The following KCNIP1 variants were observed in gnomAD, a reference collection of about 807,000 sequenced individuals.
The protein encoded by KCNIP1 is potassium voltage-gated channel interacting protein 1.
In KCNIP1, 18 loss-of-function variants were observed where a neutral mutation model predicts 33.0. That is an observed-to-expected ratio of 0.55 (90% CI 0.38 to 0.81). The LOEUF (loss-of-function observed/expected upper bound fraction) is 0.81, where lower values mean the gene tolerates loss of function less well. KCNIP1 is among the 30% of genes least tolerant of loss of function. The pLI, the probability that KCNIP1 is intolerant of heterozygous loss-of-function variation, is 0.00. For missense variants in KCNIP1, 238 were observed against 271.6 expected, an observed-to-expected ratio of 0.88 and a Z score of 0.87; for synonymous variants, 93 against 98.3, an observed-to-expected ratio of 0.95 and a Z score of 0.32.
chr5:170,640,482 G>A (rs1760497803), intron 1 of KCNIP1, among the ~76,000 whole-genome samples: 1 of 152,188 alleles, frequency 6.6e-6, no homozygotes, highest in Admixed American at 6.5e-5. Flanking sequence ...CCAGATGATG[G>A]TGGTCCCAAA....
chr5:170,667,079 C>G (rs1020731174), intron 1 of KCNIP1, among the ~76,000 whole-genome samples: 1 of 152,090 alleles, frequency 6.6e-6, no homozygotes, highest in South Asian at 2.1e-4. Flanking sequence ...TTTGAGAGGC[C>G]GAGGTGGGCG....
intron 1 of KCNIP1, among the ~76,000 whole-genome samples, chr5:170,537,278 T>G (rs1005175688): frequency 3.3e-5 from 5 of 152,220 alleles, no homozygotes; most frequent in African/African-American, 1.2e-4. Flanking sequence ...ACAAGTCACC[T>G]TACCCATCTA....
intron 1 of KCNIP1, among the ~76,000 whole-genome samples, chr5:170,686,953 A>G (rs1289762899): frequency 6.7e-6 from 1 of 149,926 alleles, no homozygotes; most frequent in African/African-American, 2.5e-5. Context: ...CCCCCTCTCC[A>G]GCCCCAAACC....
chr5:170,582,762 AAGT>A (rs1757844060), intron 1 of KCNIP1, among the ~76,000 whole-genome samples: 1 of 152,156 alleles, frequency 6.6e-6, no homozygotes, highest in African/African-American at 2.4e-5. Context: ...GAGTTTCCCA[AAGT>A]ACACACCCAC....
intron 1 of KCNIP1, among the ~76,000 whole-genome samples, chr5:170,408,479 G>A (rs548737319): frequency 3.9e-5 from 6 of 152,260 alleles, no homozygotes; most frequent in East Asian, 1.9e-4. Context: ...TTCCAAGAGC[G>A]TGAGCAGAAT....
In KCNIP1 at chr5:170,475,241, C is replaced by T. The variant is rs10074783; in HGVS notation, c.88+121277C>T. On this transcript the variant is annotated intron_variant, in intron 1 of 7. Coordinates refer to the KCNIP1 transcript ENST00000377360. ...GACCCAGAAGTCCAGCTGGCTTCAC[C>T]TCTCAGTGTGACCAACCTCCAAGCT... 2.4e-3 allele frequency among the ~76,000 whole-genome samples: 364 copies of T among 152,360 alleles called. 4 individuals carry two copies. Among genetic ancestry groups the T allele is most frequent in the African/African-American group, 7.3e-3 (305 of 41,588 alleles).
At chr5:170,487,516 C>T (rs141413386) in intron 1 of KCNIP1, among the ~76,000 whole-genome samples, 39 of 148,056 alleles carry the variant, frequency 2.6e-4, no homozygotes, top group Admixed American at 2.3e-3. Flanking sequence ...GATATAGTCA[C>T]GGAACTTTTT....
At chr5:170,708,773 C>T (rs998133106) in intron 1 of KCNIP1, among the ~76,000 whole-genome samples, 1 of 152,132 alleles carries the variant, frequency 6.6e-6, no homozygotes, top group Non-Finnish European at 1.5e-5. Flanking sequence ...GTGACACATG[C>T]CTATAGTTCC....
intron 1 of KCNIP1, among the ~76,000 whole-genome samples, chr5:170,478,476 G>A (rs1756904844): frequency 7.0e-6 from 1 of 143,660 alleles, no homozygotes; most frequent in East Asian, 2.1e-4. Flanking sequence ...AGATCCCTCG[G>A]GCTGCCATCC....
intron 1 of KCNIP1, among the ~76,000 whole-genome samples, chr5:170,450,951 AG>A (rs61553578): frequency 0.014 from 2,165 of 152,294 alleles, 51 homozygotes; most frequent in African/African-American, 0.049. Context: ...GAAGGTGCTT[AG>A]TATTTAGAAG....
intron 1 of KCNIP1, among the ~76,000 whole-genome samples, chr5:170,405,803 G>A (rs1755024454): frequency 6.6e-6 from 1 of 152,168 alleles, no homozygotes; most frequent in African/African-American, 2.4e-5. Flanking sequence ...GGGAGCAGGT[G>A]GTATCACAGA....
At chr5:170,596,417 T>C (rs1328908891) in intron 1 of KCNIP1, among the ~76,000 whole-genome samples, 2 of 152,066 alleles carry the variant, frequency 1.3e-5, no homozygotes, top group Non-Finnish European at 2.9e-5. Context: ...CAGACTGCAG[T>C]GTTGTTTGAG....
chr5:170,630,549 A>G (rs34874456), intron 1 of KCNIP1, among the ~76,000 whole-genome samples: 58,263 of 152,120 alleles, frequency 0.38, 11,782 homozygotes, highest in East Asian at 0.49. Flanking sequence ...GGCAGATGAA[A>G]GGGCCTTACT....
rs1763835085 is a variant in KCNIP1, at chr5:170,721,824, G to A, written c.257-9G>A. 6.2e-7 allele frequency: 1 copy of A among 1,613,948 alleles called. No homozygotes were observed. Among genetic ancestry groups the A allele is most frequent in the African/African-American group, 1.3e-5 (1 of 74,872 alleles). On this transcript the variant is annotated splice_polypyrimidine_tract_variant and intron_variant, in intron 3 of 7. Coordinates refer to ENST00000328939, the MANE Select transcript of KCNIP1 (RefSeq NM_014592.4). ...CCCCCATCACCTGCCCTCCTTTTCT[G>A]CCTTGTAGATGCCAGCACGTATGCC...
At chr5:170,505,704 G>A (rs1754691924) in intron 1 of KCNIP1, among the ~76,000 whole-genome samples, 1 of 152,176 alleles carries the variant, frequency 6.6e-6, no homozygotes, top group Admixed American at 6.5e-5. Context: ...GAACCACAGA[G>A]ATCTCCATAA....
chr5:170,487,240 T>G (rs1757117110), intron 1 of KCNIP1, among the ~76,000 whole-genome samples: 1 of 152,202 alleles, frequency 6.6e-6, no homozygotes, highest in Admixed American at 6.5e-5. Context: ...CCTGAAGGCC[T>G]TCAGCTGACT....
At chr5:170,512,893 C>CA (rs1323860023) in intron 1 of KCNIP1, among the ~76,000 whole-genome samples, 7 of 151,964 alleles carry the variant, frequency 4.6e-5, no homozygotes, top group Non-Finnish European at 8.8e-5. Flanking sequence ...ACTAAAAATA[C>CA]AAAAAAATTA....
chr5:170,438,328 C>T (rs548959686), intron 1 of KCNIP1, among the ~76,000 whole-genome samples: 5 of 152,150 alleles, frequency 3.3e-5, no homozygotes, highest in African/African-American at 1.2e-4. Context: ...CAGAGCAGGG[C>T]CCACTCTGGG....
intron 1 of KCNIP1, among the ~76,000 whole-genome samples, chr5:170,365,069 A>G (rs139103778): frequency 6.6e-6 from 1 of 152,176 alleles, no homozygotes. Flanking sequence ...TCATCCACTA[A>G]GAGTCGAGCT....
Sources: allele counts gnomAD v4.1 joint callset (sites outside exome capture counted in the v4.1 genomes callset), GRCh38; gene constraint gnomAD v4.1.1; transcripts MANE v1.5; gene names NCBI Gene and HGNC (gene_info 2026-07-23, HGNC 2026-07-21).